Variants in PDZRN3 observed in about 807,000 individuals in gnomAD.
PDZRN3 encodes the protein PDZ domain containing ring finger 3.
In PDZRN3, 38 loss-of-function variants were observed where a neutral mutation model predicts 85.7. That is an observed-to-expected ratio of 0.44 (90% CI 0.34 to 0.58). PDZRN3 has a LOEUF of 0.58. PDZRN3 is among the 20% of genes least tolerant of loss of function. PDZRN3 has a pLI of 0.01. For synonymous variants in PDZRN3, 759 were observed against 638.0 expected, an observed-to-expected ratio of 1.19 and a Z score of -2.86; for missense variants, 1,629 against 1,506.4, an observed-to-expected ratio of 1.08 and a Z score of -1.35.
intron 3 of PDZRN3, among the ~76,000 whole-genome samples, chr3:73,489,571 TTTTC>T (rs1215568298): frequency 3.8e-5 from 3 of 79,148 alleles, no homozygotes; most frequent in Non-Finnish European, 7.1e-5. Context: ...GGGCAGTTTC[TTTTC>T]TTTTTTTTTT....
At position 73,383,772 on chromosome 3, in the gene PDZRN3, A is replaced by C. The variant is rs1219478462; in HGVS notation, c.2794T>G (p.Tyr932Asp). The change falls in exon 10 of 10, where the codon TAC becomes GAC. Residue 932 changes from tyrosine to aspartate, a missense_variant. By Grantham distance (160) the Tyr-to-Asp change is radical (BLOSUM62 -3). Coordinates refer to ENST00000263666, the MANE Select transcript of PDZRN3 (RefSeq NM_015009.3). The part of the protein sequence containing the change: ...KVKIRSDGTR[Y>D]ITKRPVRDRL... ...TCCCGCACGGGCCTCTTGGTGATGTAGCGCGTCCCGTCGCTGCGGATCTTC... is the reference window on the plus strand; with the variant it reads ...TCCCGCACGGGCCTCTTGGTGATGTCGCGCGTCCCGTCGCTGCGGATCTTC... 6.2e-7 allele frequency: 1 copy of C among 1,612,980 alleles called. No individual in the cohort carries two copies. Among genetic ancestry groups the C allele is most frequent in the Non-Finnish European group, 8.5e-7 (1 of 1,179,982 alleles).
At chr3:73,526,133 AC>A (rs1704518811) in intron 3 of PDZRN3, among the ~76,000 whole-genome samples, 3 of 152,108 alleles carry the variant, frequency 2.0e-5, no homozygotes, top group Admixed American at 2.0e-4. Flanking sequence ...AATATTACCT[AC>A]CTCATGTTTT....
At chr3:73,511,480 T>G (rs2050862237) in intron 3 of PDZRN3, among the ~76,000 whole-genome samples, 1 of 152,238 alleles carries the variant, frequency 6.6e-6, no homozygotes, top group Non-Finnish European at 1.5e-5. Flanking sequence ...GTTTTGCTTG[T>G]GCATTTGGAC....
intron 3 of PDZRN3, among the ~76,000 whole-genome samples, chr3:73,452,832 CAT>C (rs1491309622): frequency 1.2e-4 from 5 of 40,918 alleles, no homozygotes; most frequent in Non-Finnish European, 2.6e-4. Context: ...TCTAACGGTC[CAT>C]ATATCTGTGT....
At chr3:73,513,737 T>A (rs983961469) in intron 3 of PDZRN3, among the ~76,000 whole-genome samples, 3 of 152,184 alleles carry the variant, frequency 2.0e-5, no homozygotes, top group Non-Finnish European at 2.9e-5. Flanking sequence ...GAAATATTAC[T>A]CTCCCACTAG....
intron 3 of PDZRN3, among the ~76,000 whole-genome samples, chr3:73,599,794 C>T (rs2106892235): frequency 6.6e-6 from 1 of 152,332 alleles, no homozygotes; most frequent in South Asian, 2.1e-4. Context: ...TTGTATCTGG[C>T]AGCATCTGCA....
chr3:73,432,651 G>T (rs1225821254), intron 3 of PDZRN3, among the ~76,000 whole-genome samples: 1 of 152,074 alleles, frequency 6.6e-6, no homozygotes, highest in Admixed American at 6.5e-5. Flanking sequence ...AGCAAAAAAT[G>T]ACACTCAAAT....
intron 3 of PDZRN3, among the ~76,000 whole-genome samples, chr3:73,431,393 G>C (rs1702427983): frequency 6.6e-6 from 1 of 152,196 alleles, no homozygotes; most frequent in Non-Finnish European, 1.5e-5. Context: ...TCTGGATGAG[G>C]AAAGGATAAA....
intron 3 of PDZRN3, among the ~76,000 whole-genome samples, chr3:73,531,392 T>C (rs1019316398): frequency 5.9e-5 from 9 of 152,182 alleles, no homozygotes; most frequent in Non-Finnish European, 1.2e-4. Flanking sequence ...CCTATTCTAC[T>C]GATGCTATTT....
At chr3:73,408,154 C>T (rs938383895) in intron 3 of PDZRN3, 75 of 703,286 alleles carry the variant, frequency 1.1e-4, no homozygotes, top group Admixed American at 8.8e-4. Context: ...TTTTTCACAG[C>T]TCAGAGGTGG....
intron 3 of PDZRN3, among the ~76,000 whole-genome samples, chr3:73,448,748 A>G (rs1360849707): frequency 2.0e-5 from 3 of 152,234 alleles, no homozygotes; most frequent in Admixed American, 1.3e-4. Flanking sequence ...GGCAAGAAAC[A>G]TAGGCCAGAA....
intron 3 of PDZRN3, among the ~76,000 whole-genome samples, chr3:73,507,131 T>C (rs1341773313): frequency 1.3e-5 from 2 of 151,932 alleles, no homozygotes; most frequent in African/African-American, 4.8e-5. Context: ...TGATCTCTTT[T>C]TAAAAACATT....
At chr3:73,389,331 A>G (rs1188249562) in intron 7 of PDZRN3, among the ~76,000 whole-genome samples, 1 of 152,136 alleles carries the variant, frequency 6.6e-6, no homozygotes, top group Non-Finnish European at 1.5e-5. Context: ...GGATGGTTAG[A>G]TGTTGAGTCA....
Position 73,388,089 on chromosome 3 carries a change from GGTGGGGAGA to G in PDZRN3, c.1417-29_1417-21del, listed in dbSNP as rs756175079. 12 of 1,127,060 alleles carry G rather than the reference GGTGGGGAGA, an allele frequency of 1.1e-5. No homozygotes were observed. Among genetic ancestry groups the G allele is most frequent in the Admixed American group, 6.4e-5 (3 of 46,730 alleles). 69.8% of individuals were successfully genotyped at this position (1,127,060 alleles called of 1,614,324 possible). On this transcript the variant is annotated intron_variant, in intron 7 of 9. Transcript: ENST00000263666. Reference sequence around the variant, plus strand: ...ATTAATCTTTTAAAAAAAAAGGGGGGGTGGGGAGAGTGGGGAGACAAATAGCATGATTAG... The same window carrying G: ...ATTAATCTTTTAAAAAAAAAGGGGGGGTGGGGAGACAAATAGCATGATTAG...
chr3:73,569,202 C>T (rs1363041542), intron 3 of PDZRN3: 1 of 1,289,372 alleles, frequency 7.8e-7, no homozygotes, highest in Non-Finnish European at 1.0e-6. Context: ...CAGGAGGAAT[C>T]AGATTTCTGA....
intron 3 of PDZRN3, among the ~76,000 whole-genome samples, chr3:73,530,050 T>G (rs1704617837): frequency 6.6e-6 from 1 of 152,206 alleles, no homozygotes; most frequent in Non-Finnish European, 1.5e-5. Flanking sequence ...TTCTTACCCA[T>G]TCATGTAATC....
intron 3 of PDZRN3, among the ~76,000 whole-genome samples, chr3:73,487,497 T>C (rs1703685583): frequency 6.6e-6 from 1 of 152,176 alleles, no homozygotes; most frequent in South Asian, 2.1e-4. Context: ...ATCAGTTCAT[T>C]ACAATACACA....
At chr3:73,501,158 C>T (rs1159187405) in intron 3 of PDZRN3, among the ~76,000 whole-genome samples, 1 of 152,156 alleles carries the variant, frequency 6.6e-6, no homozygotes, top group East Asian at 1.9e-4. Context: ...GAACCTGATT[C>T]GAGTCGCAAA....
At chr3:73,445,815 T>C (rs1269138535) in intron 3 of PDZRN3, among the ~76,000 whole-genome samples, 2 of 152,204 alleles carry the variant, frequency 1.3e-5, no homozygotes, top group African/African-American at 4.8e-5. Context: ...AGGAAAACAC[T>C]AGATCACAGG....
Sources: allele counts gnomAD v4.1 joint callset (sites outside exome capture counted in the v4.1 genomes callset), GRCh38; gene constraint gnomAD v4.1.1; transcripts MANE v1.5; gene names NCBI Gene and HGNC (gene_info 2026-07-23, HGNC 2026-07-21).